COL14A1: variants seen among roughly 807,000 people sequenced by gnomAD.
COL14A1 encodes collagen type XIV alpha 1 chain.
A neutral mutation model predicts 230.3 loss-of-function variants in COL14A1; 136 were observed. The observed-to-expected ratio is 0.59, with a 90% CI of 0.51 to 0.68. COL14A1 has a LOEUF of 0.68. Ranked by LOEUF, COL14A1 falls within the 30% of genes least tolerant of loss-of-function variation. The pLI is 0.00. For synonymous variants in COL14A1, 792 were observed against 784.1 expected, an observed-to-expected ratio of 1.01 and a Z score of -0.17; for missense variants, 1,976 against 2,215.8, an observed-to-expected ratio of 0.89 and a Z score of 2.17.
intron 19 of COL14A1, 197 bp downstream of exon 19, chr8:120,231,815 T>C: frequency 1.8e-6 from 1 of 558,518 alleles, no homozygotes; most frequent in East Asian, 3.0e-5. Context: ...TTGCTCCATG[T>C]ACAACTTGCT....
rs190236983 is a variant in COL14A1, at chr8:120,280,392, G to C, written c.3646+293G>C. 2.6e-5 allele frequency among the ~76,000 whole-genome samples: 4 copies of C among 152,252 alleles called. No individual in the cohort carries two copies. The East Asian group carries it at 7.7e-4, about 29-fold the overall frequency. On this transcript the variant is annotated intron_variant, in intron 29 of 47. Coordinates refer to ENST00000297848, the MANE Select transcript of COL14A1 (RefSeq NM_021110.4). ...TTTCAATGTATTAAGAATGTATTAA[G>C]ATGTAAAATGTATTAAGAATTCTCA...
intron 2 of COL14A1, among the ~76,000 whole-genome samples, chr8:120,157,679 G>A (rs1297767724): frequency 6.6e-6 from 1 of 152,002 alleles, no homozygotes; most frequent in Non-Finnish European, 1.5e-5. Context: ...TCATTAGTGA[G>A]GTTGTAAAAA....
At chr8:120,332,915 G>A (rs760200748) in intron 42 of COL14A1, among the ~76,000 whole-genome samples, 180 bp downstream of exon 42, 10 of 152,248 alleles carry the variant, frequency 6.6e-5, no homozygotes, top group Non-Finnish European at 1.3e-4. Context: ...TTATGCATAT[G>A]TCATGGCTGA....
At chr8:120,213,269 G>A (rs1226037214) in intron 13 of COL14A1, among the ~76,000 whole-genome samples, 3 of 152,112 alleles carry the variant, frequency 2.0e-5, no homozygotes, top group Admixed American at 2.0e-4. Context: ...GTGGCATACT[G>A]ATAATACTTA....
chr8:120,289,446 G>A (rs1820303702), intron 33 of COL14A1, among the ~76,000 whole-genome samples, 162 bp from the exon 34 acceptor site: 1 of 152,092 alleles, frequency 6.6e-6, no homozygotes, highest in Non-Finnish European at 1.5e-5. Context: ...GGAAAATCAT[G>A]GAGATGATAA....
intron 7 of COL14A1, 145 bp downstream of exon 7, chr8:120,198,075 A>AATGCTGAGTTTGG: frequency 1.3e-6 from 1 of 788,280 alleles, no homozygotes; most frequent in Non-Finnish European, 2.0e-6. Flanking sequence ...TCCCAAACTC[A>AATGCTGAGTTTGG]GCATTGAGTT....
rs751663919 is a variant in COL14A1, at chr8:120,283,641, T to G, written c.3830T>G (p.Leu1277Trp). The change falls in exon 32 of 48, where the codon TTG becomes TGG. Residue 1277 changes from leucine (L) to tryptophan (W), a missense_variant. This residue lies in a region of COL14A1 where 1,791 missense variants were observed against 2,019.5 expected (regional missense o/e 0.89). Transcript: ENST00000297848. ...DALVSQPTRYLHPEGLPSDYT... is the reference protein window; with the variant it reads ...DALVSQPTRYWHPEGLPSDYT... The stretch of plus-strand genomic sequence containing the variant: ...GGTTTTCTTTCTATGTTCAGGTACT[T>G]GCACCCAGAAGGATTGCCCTCCGAC... 1.2e-6 allele frequency: 2 copies of G among 1,608,780 alleles called. No individual in the cohort carries two copies. Among genetic ancestry groups the G allele is most frequent in the Non-Finnish European group, 1.7e-6 (2 of 1,178,622 alleles).
chr8:120,286,169 T>G (rs966262639), intron 33 of COL14A1, among the ~76,000 whole-genome samples, 199 bp downstream of exon 33: 2 of 152,072 alleles, frequency 1.3e-5, no homozygotes, highest in Non-Finnish European at 1.5e-5. Context: ...GTGCATTTTT[T>G]TTTTTGGCAG....
At chr8:120,219,941 G>A (rs1056468685) in intron 14 of COL14A1, among the ~76,000 whole-genome samples, 3 of 152,118 alleles carry the variant, frequency 2.0e-5, no homozygotes, top group African/African-American at 7.2e-5. Context: ...AAATGCATAA[G>A]CCATGCATGG....
chr8:120,316,389 A>G (rs1288445996), intron 40 of COL14A1, among the ~76,000 whole-genome samples: 1 of 152,200 alleles, frequency 6.6e-6, no homozygotes, highest in East Asian at 1.9e-4. Flanking sequence ...TATGGCTTAC[A>G]TGGCAATCTC....
upstream of COL14A1, chr8:120,124,961 T>C (rs118103159): frequency 0.024 from 3,696 of 152,244 alleles, 64 homozygotes; most frequent in Non-Finnish European, 0.042. Flanking sequence ...CTTCTCCACA[T>C]CTCCGGTAGG....
intron 5 of COL14A1, among the ~76,000 whole-genome samples, chr8:120,180,850 G>A (rs936299788): frequency 1.3e-5 from 2 of 152,076 alleles, no homozygotes; most frequent in African/African-American, 4.8e-5. Flanking sequence ...TGGGACTACA[G>A]GTGGGCCCCA....
At chr8:120,332,353 G>T (rs1425579050) in intron 41 of COL14A1, among the ~76,000 whole-genome samples, 159 bp downstream of exon 41, 3 of 152,180 alleles carry the variant, frequency 2.0e-5, no homozygotes, top group Non-Finnish European at 4.4e-5. Flanking sequence ...TTTTTAGAAA[G>T]ATAATATACC....
chr8:120,202,805 C>A (rs769017032), intron 8 of COL14A1, among the ~76,000 whole-genome samples: 3 of 151,600 alleles, frequency 2.0e-5, no homozygotes, highest in Non-Finnish European at 4.4e-5. Flanking sequence ...CTGCTGTATT[C>A]CAGACACCCA....
In COL14A1 at chr8:120,168,284, G is replaced by C. The variant is rs770945516; in HGVS notation, c.436+37G>C. 20 of 1,477,018 alleles carry C rather than the reference G, an allele frequency of 1.4e-5. No individual in the cohort carries two copies. In the South Asian group the frequency reaches 1.8e-4, roughly 13 times the overall value. 91.5% of individuals were successfully genotyped at this position (1,477,018 alleles called of 1,614,324 possible). ...TTTTAATTAACTCATATTGGGAGTT[G>C]GGTTGTTTTAATTACACAGGCAATA... On this transcript the variant is annotated intron_variant, in intron 5 of 47. Coordinates refer to ENST00000297848, the MANE Select transcript of COL14A1 (RefSeq NM_021110.4).
At chr8:120,168,086 T>C in intron 4 of COL14A1, 75 bp from the exon 5 acceptor site, 1 of 1,037,080 alleles carries the variant, frequency 9.6e-7, no homozygotes. Context: ...CTTTCAAGGG[T>C]TTTAGTAAAA....
chr8:120,326,449 C>G (rs1438129210), intron 40 of COL14A1, among the ~76,000 whole-genome samples: 1 of 152,124 alleles, frequency 6.6e-6, no homozygotes, highest in Admixed American at 6.6e-5. Context: ...AGTACCTGTA[C>G]AGGTATTTCT....
intron 26 of COL14A1, among the ~76,000 whole-genome samples, chr8:120,270,795 C>T (rs1026728365): frequency 1.3e-5 from 2 of 151,632 alleles, no homozygotes; most frequent in Non-Finnish European, 3.0e-5. Context: ...ATTAATTCAG[C>T]CATTAGATAA....
At position 120,227,053 on chromosome 8, in the gene COL14A1, G is replaced by T. The variant is rs549467075; in HGVS notation, c.2005-167G>T. 9.2e-5 allele frequency among the ~76,000 whole-genome samples: 14 copies of T among 152,190 alleles called. No individual in the cohort carries two copies. In the South Asian group the frequency reaches 2.7e-3, roughly 29 times the overall value. On this transcript the variant is annotated intron_variant, in intron 16 of 47. Coordinates refer to ENST00000297848, the MANE Select transcript of COL14A1 (RefSeq NM_021110.4). ...CTTTTGCAATATTAATAATTTATTT[G>T]CTGAGGGGATTGAAAGGAATAAAGT...
Sources: gnomAD v4.1 joint callset for allele counts (sites outside exome capture counted in the v4.1 genomes callset) on GRCh38, gnomAD v4.1.1 for gene constraint, gnomAD v4.1.1 regional missense constraint, MANE v1.5 for transcripts, NCBI Gene and HGNC (gene_info 2026-07-23, HGNC 2026-07-21) for gene names.